Variants in SUPT3H observed in about 807,000 individuals in gnomAD.
SUPT3H encodes the protein SPT3 homolog, SAGA and STAGA complex component.
SUPT3H carries 44 observed loss-of-function variants against 44.3 expected under a neutral mutation model. The ratio of observed to expected loss-of-function variants is 0.99; its 90% CI spans 0.78 to 1.28. The LOEUF is 1.28. Among genes scored for constraint, SUPT3H ranks in the 50% most tolerant of loss-of-function variants. The probability of loss-of-function intolerance (pLI) is 0.00; values close to 1 mark genes in which losing one functional copy is unlikely to be tolerated. For synonymous variants in SUPT3H, 124 were observed against 125.6 expected (o/e 0.99, Z 0.09); for missense variants, 380 against 387.1 (o/e 0.98, Z 0.15).
At position 44,829,649 on chromosome 6, in the gene SUPT3H, G is replaced by GTC; in HGVS notation, c.*166_*167insGA. 4.3e-6 allele frequency: 3 copies of GTC among 699,380 alleles called. No individual in the cohort carries two copies. The highest frequency in any genetic ancestry group is 7.4e-6 in the Non-Finnish European group (3 of 404,698). The allele number at this position is 699,380 out of a possible 1,614,324, so 43.3% of individuals were successfully genotyped here. A position where few individuals can be genotyped will look rare whatever the true frequency, so the allele number is the denominator to read the frequency against. On this transcript the variant is annotated 3_prime_UTR_variant, in exon 11 of 11. Coordinates refer to ENST00000371459, the MANE Select transcript of SUPT3H (RefSeq NM_003599.4). ...GCCCATCTAGTAAACAAGACCGATG[G>GTC]TTGAGGGGCTGGAAAAGAGGAGGAG...
chr6:45,050,462 C>T (rs1166861641), intron 3 of SUPT3H, among the ~76,000 whole-genome samples: 1 of 151,202 alleles, frequency 6.6e-6, no homozygotes. Context: ...AAAAAAAAAC[C>T]CATAGTTTGG....
chr6:44,877,770 T>G (rs1470080779), intron 10 of SUPT3H, among the ~76,000 whole-genome samples: 1 of 152,154 alleles, frequency 6.6e-6, no homozygotes, highest in East Asian at 1.9e-4. Context: ...AGACATTGGT[T>G]TATCATTGTT....
intron 2 of SUPT3H, among the ~76,000 whole-genome samples, chr6:45,303,556 A>G (rs1052567887): frequency 2.0e-5 from 3 of 151,054 alleles, no homozygotes; most frequent in Non-Finnish European, 4.4e-5. Flanking sequence ...GAAACAACCA[A>G]TTTGCTTTTT....
Position 45,081,628 on chromosome 6 carries a change from A to C in SUPT3H, c.186+24294T>G, listed in dbSNP as rs370084911. On this transcript the variant is annotated intron_variant, in intron 3 of 10. Coordinates refer to ENST00000371459, the MANE Select transcript of SUPT3H (RefSeq NM_003599.4). ...AATGATAGAGCTCCTCTGTGGCTAG[A>C]AATCACCATCCAATCTAACTCTACG... Among the ~76,000 whole-genome samples, 8 of 152,272 alleles carry C rather than the reference A, an allele frequency of 5.3e-5. No individual in the cohort carries two copies. In the East Asian group the frequency reaches 1.5e-3, roughly 29 times the overall value.
rs773856294 is a variant in SUPT3H, at chr6:44,892,739, CTG to C, written c.912+39912_912+39913del. Among the ~76,000 whole-genome samples the C allele has an allele frequency of 2.0e-5, 3 of 152,290 alleles. No homozygotes were observed. The East Asian group carries it at 5.8e-4, about 29-fold the overall frequency. ...AGCCCACATAGGTCAAGTGATTTAT[CTG>C]AGGTCCTTCAGACAGATTAGTGGTA... On this transcript the variant is annotated intron_variant, in intron 10 of 10. Transcript: ENST00000371459.
intron 10 of SUPT3H, among the ~76,000 whole-genome samples, chr6:44,879,212 C>T (rs553811): frequency 0.02 from 3,101 of 152,312 alleles, 42 homozygotes; most frequent in Non-Finnish European, 0.033. Context: ...AGTCTGAAGT[C>T]GAGCTGGGAC....
rs549766311 is a variant in SUPT3H, at chr6:45,254,356, C to T, written c.101+110845G>A. ...TCTTGTACTAATACATGATTAACCA[C>T]CTACTATTAGCAAGCTCAAATCTGT... On this transcript the variant is annotated intron_variant, in intron 2 of 10. Transcript: ENST00000371459. Among the ~76,000 whole-genome samples the T allele has an allele frequency of 2.4e-4, 37 of 152,252 alleles. 1 individual carries two copies. Among genetic ancestry groups the T allele is most frequent in the African/African-American group, 7.5e-4 (31 of 41,566 alleles).
intron 10 of SUPT3H, among the ~76,000 whole-genome samples, chr6:44,833,888 T>C (rs2153412131): frequency 6.6e-6 from 1 of 152,328 alleles, no homozygotes; most frequent in African/African-American, 2.4e-5. Flanking sequence ...CAATTTTATT[T>C]CAAATTTAAG....
intron 3 of SUPT3H, among the ~76,000 whole-genome samples, chr6:45,062,785 T>C (rs1429152563): frequency 1.3e-5 from 2 of 152,016 alleles, no homozygotes; most frequent in Non-Finnish European, 2.9e-5. Context: ...TGAGATTATA[T>C]CTCACACCTG....
intron 2 of SUPT3H, among the ~76,000 whole-genome samples, chr6:45,183,094 GATA>G (rs1813571983): frequency 6.6e-6 from 1 of 152,172 alleles, no homozygotes; most frequent in African/African-American, 2.4e-5. Flanking sequence ...AAGGTGAATG[GATA>G]AACGAAATGT....
At chr6:44,809,280 C>T (rs181005357), downstream of SUPT3H, 1 of 152,224 alleles carries the variant, frequency 6.6e-6, no homozygotes, top group East Asian at 1.9e-4. Flanking sequence ...TACCATTCCA[C>T]CAAGGGACTT....
chr6:44,978,256 A>G (rs1454764132), intron 6 of SUPT3H, among the ~76,000 whole-genome samples: 1 of 152,212 alleles, frequency 6.6e-6, no homozygotes, highest in African/African-American at 2.4e-5. Flanking sequence ...TGCTGAACTG[A>G]GCCAGGTATA....
At chr6:45,031,404 A>G (rs1416800128) in intron 3 of SUPT3H, among the ~76,000 whole-genome samples, 1 of 152,194 alleles carries the variant, frequency 6.6e-6, no homozygotes, top group Non-Finnish European at 1.5e-5. Context: ...GTACATCACT[A>G]GAATCACTTT....
intron 9 of SUPT3H, among the ~76,000 whole-genome samples, chr6:44,948,436 C>T (rs1036511797): frequency 9.9e-5 from 15 of 152,018 alleles, no homozygotes; most frequent in Non-Finnish European, 2.1e-4. Context: ...AAGAATCTAC[C>T]ATCAGAGTGA....
At chr6:44,948,226 T>C (rs1036564286) in intron 9 of SUPT3H, among the ~76,000 whole-genome samples, 2 of 152,288 alleles carry the variant, frequency 1.3e-5, no homozygotes, top group African/African-American at 2.4e-5. Context: ...TTACACCTTA[T>C]ACAAAAATTA....
chr6:45,253,848 C>CATATATATATATATATATATAT (rs34256293), intron 2 of SUPT3H, among the ~76,000 whole-genome samples: 1,895 of 87,806 alleles, frequency 0.022, 63 homozygotes, highest in East Asian at 0.039. Context: ...CACATATACG[C>CATATATATATATATATATATAT]ATATATATAT....
At chr6:45,329,246 T>C (rs142729645) in intron 2 of SUPT3H, among the ~76,000 whole-genome samples, 282 of 152,094 alleles carry the variant, frequency 1.9e-3, no homozygotes, top group African/African-American at 6.5e-3. Flanking sequence ...TGGTCTACCA[T>C]GTATAACACA....
chr6:45,130,679 A>G (rs1803295500), intron 2 of SUPT3H, among the ~76,000 whole-genome samples: 1 of 148,560 alleles, frequency 6.7e-6, no homozygotes, highest in Non-Finnish European at 1.5e-5. Flanking sequence ...GGAAAAAGAC[A>G]AAGGTAAAAA....
intron 3 of SUPT3H, among the ~76,000 whole-genome samples, chr6:45,055,499 T>C (rs956594839): frequency 2.0e-5 from 3 of 152,170 alleles, no homozygotes; most frequent in South Asian, 2.1e-4. Context: ...TGCAATAGCA[T>C]AGAGAGCCCA....
Sources: allele counts gnomAD v4.1 joint callset (sites outside exome capture counted in the v4.1 genomes callset), GRCh38; gene constraint gnomAD v4.1.1; transcripts MANE v1.5; gene names NCBI Gene and HGNC (gene_info 2026-07-23, HGNC 2026-07-21).